The following OTUD7A variants were observed in gnomAD, a reference collection of about 807,000 sequenced individuals.
OTUD7A encodes OTU domain-containing protein 7A.
A neutral mutation model predicts 65.7 loss-of-function variants in OTUD7A; 12 were observed. The ratio of observed to expected loss-of-function variants is 0.18; its 90% CI spans 0.12 to 0.30. The LOEUF (loss-of-function observed/expected upper bound fraction) is 0.30. Among genes scored for constraint, OTUD7A ranks in the 10% least tolerant of loss-of-function variants. The pLI is 1.00. For synonymous variants in OTUD7A, 641 were observed against 586.3 expected, an observed-to-expected ratio of 1.09 and a Z score of -1.35; for missense variants, 1,148 against 1,304.8, an observed-to-expected ratio of 0.88 and a Z score of 1.85.
rs570704317 is a variant in OTUD7A, at chr15:31,717,760, A to T, written c.-99-60683T>A. Among the ~76,000 whole-genome samples the T allele has an allele frequency of 2.6e-5, 4 of 152,274 alleles. No individual in the cohort carries two copies. The East Asian group carries it at 5.8e-4, about 22-fold the overall frequency. ...TATACCTTTGGGTATATACCCAGTA[A>T]TGGGATTGCTGGGTCAAATGGTATT... On this transcript the variant is annotated intron_variant, in intron 1 of 12. Coordinates refer to ENST00000307050, the MANE Select transcript of OTUD7A (RefSeq NM_001382637.1).
At chr15:31,670,850 C>G (rs957585274) in intron 1 of OTUD7A, among the ~76,000 whole-genome samples, 2 of 152,112 alleles carry the variant, frequency 1.3e-5, no homozygotes, top group Non-Finnish European at 2.9e-5. Flanking sequence ...AAAAAATTAG[C>G]CGGGCGTGGT....
At chr15:31,774,757 T>C (rs929683864) in intron 1 of OTUD7A, among the ~76,000 whole-genome samples, 1 of 152,134 alleles carries the variant, frequency 6.6e-6, no homozygotes, top group Admixed American at 6.5e-5. Context: ...GCCACTTAAG[T>C]TTCCCCTTAA....
chr15:31,726,533 T>C (rs1285211626), intron 1 of OTUD7A, among the ~76,000 whole-genome samples: 1 of 152,218 alleles, frequency 6.6e-6, no homozygotes, highest in Non-Finnish European at 1.5e-5. Context: ...ATGTAAACAC[T>C]ACGGACAGAA....
chr15:31,731,155 G>A (rs550170687), intron 1 of OTUD7A, among the ~76,000 whole-genome samples: 7 of 152,274 alleles, frequency 4.6e-5, no homozygotes, highest in African/African-American at 1.7e-4. Context: ...TGAATCATGT[G>A]CATTTTCTCC....
chr15:31,609,318 TG>T (rs1344925364), intron 3 of OTUD7A, among the ~76,000 whole-genome samples: 6 of 152,264 alleles, frequency 3.9e-5, no homozygotes, highest in Admixed American at 1.3e-4. Flanking sequence ...GTGGATAGCC[TG>T]GGGTAAGTTC....
intron 1 of OTUD7A, among the ~76,000 whole-genome samples, chr15:31,809,750 T>A (rs908617175): frequency 2.6e-5 from 4 of 152,190 alleles, no homozygotes; most frequent in Non-Finnish European, 5.9e-5. Context: ...TCCTTGTGAG[T>A]GAAAAGCAAG....
chr15:31,779,769 A>C (rs1895487905), intron 1 of OTUD7A, among the ~76,000 whole-genome samples: 2 of 152,102 alleles, frequency 1.3e-5, no homozygotes, highest in Non-Finnish European at 2.9e-5. Context: ...GGGGTGGATG[A>C]GAGAGAAATG....
intron 3 of OTUD7A, among the ~76,000 whole-genome samples, chr15:31,618,943 A>T (rs1890684164): frequency 1.3e-5 from 2 of 152,284 alleles, no homozygotes; most frequent in African/African-American, 4.8e-5. Flanking sequence ...TCTTGAATTA[A>T]TTTTTGTATA....
intron 5 of OTUD7A, among the ~76,000 whole-genome samples, chr15:31,542,738 C>T (rs1280666766): frequency 6.6e-6 from 1 of 150,908 alleles, no homozygotes; most frequent in South Asian, 2.1e-4. Flanking sequence ...GTTAAAGCAC[C>T]TAGAGAAAGA....
intron 1 of OTUD7A, among the ~76,000 whole-genome samples, chr15:31,794,237 C>T (rs1387767481): frequency 6.6e-6 from 1 of 152,152 alleles, no homozygotes; most frequent in African/African-American, 2.4e-5. Context: ...CTCTAAGCTC[C>T]CTATTCTGTG....
chr15:31,710,425 C>G (rs1481536847), intron 1 of OTUD7A, among the ~76,000 whole-genome samples: 1 of 150,766 alleles, frequency 6.6e-6, no homozygotes, highest in Non-Finnish European at 1.5e-5. Context: ...ACTGGGCCAC[C>G]AGGACATGAA....
chr15:31,599,367 G>A (rs1210436862), intron 3 of OTUD7A, among the ~76,000 whole-genome samples: 1 of 152,174 alleles, frequency 6.6e-6, no homozygotes, highest in East Asian at 1.9e-4. Context: ...AGGCAAACAG[G>A]GTCTGGAGTG....
At chr15:31,648,395 G>C (rs1392508013) in intron 3 of OTUD7A, among the ~76,000 whole-genome samples, 1 of 152,166 alleles carries the variant, frequency 6.6e-6, no homozygotes, top group Non-Finnish European at 1.5e-5. Flanking sequence ...TCCTTGAGCT[G>C]ATTTCCAGAA....
chr15:31,606,683 C>T (rs1236618544), intron 3 of OTUD7A, among the ~76,000 whole-genome samples: 1 of 152,204 alleles, frequency 6.6e-6, no homozygotes, highest in Non-Finnish European at 1.5e-5. Flanking sequence ...TAACGCACGA[C>T]TTCTGTTTTG....
chr15:31,773,851 G>T (rs1374687831), intron 1 of OTUD7A, among the ~76,000 whole-genome samples: 3 of 152,138 alleles, frequency 2.0e-5, no homozygotes, highest in Non-Finnish European at 2.9e-5. Flanking sequence ...CATACAAATA[G>T]TGAATGAGAT....
At chr15:31,842,677 T>C (rs920342415) in intron 1 of OTUD7A, among the ~76,000 whole-genome samples, 7 of 152,164 alleles carry the variant, frequency 4.6e-5, no homozygotes, top group Non-Finnish European at 1.0e-4. Context: ...CCAAATTTAC[T>C]GTGACTCACC....
At chr15:31,851,505 AG>A (rs1897424197) in intron 1 of OTUD7A, among the ~76,000 whole-genome samples, 1 of 152,242 alleles carries the variant, frequency 6.6e-6, no homozygotes, top group South Asian at 2.1e-4. Flanking sequence ...TAACCCAAAA[AG>A]ATCAAGACGG....
chr15:31,585,896 G>A (rs1889519911), intron 3 of OTUD7A, among the ~76,000 whole-genome samples: 2 of 152,186 alleles, frequency 1.3e-5, no homozygotes, highest in Non-Finnish European at 2.9e-5. Flanking sequence ...GGATTGGGAT[G>A]AGCCAAGCAA....
At chr15:31,613,072 T>C (rs958192507) in intron 3 of OTUD7A, among the ~76,000 whole-genome samples, 1 of 152,130 alleles carries the variant, frequency 6.6e-6, no homozygotes, top group Non-Finnish European at 1.5e-5. Context: ...CAAATGGTGC[T>C]GCGATAACTG....
Sources: gnomAD v4.1 joint callset for allele counts (sites outside exome capture counted in the v4.1 genomes callset) on GRCh38, gnomAD v4.1.1 for gene constraint, MANE v1.5 for transcripts, NCBI Gene and HGNC (gene_info 2026-07-23, HGNC 2026-07-21) for gene names.